SMYD3: variants seen among roughly 807,000 people sequenced by gnomAD.
The protein encoded by SMYD3 is histone-lysine N-methyltransferase SMYD3.
Under a neutral mutation model 57.7 loss-of-function variants are expected in SMYD3, and 36 were observed. That is an observed-to-expected ratio of 0.62 (90% CI 0.48 to 0.82). The LOEUF (loss-of-function observed/expected upper bound fraction) is 0.82, where lower values mean the gene tolerates loss of function less well. Ranked by LOEUF, SMYD3 falls within the 40% of genes least tolerant of loss-of-function variation. The pLI is 0.00. For synonymous variants in SMYD3, 211 were observed against 195.0 expected (o/e 1.08, Z -0.68); for missense variants, 515 against 538.8 (o/e 0.96, Z 0.44).
At chr1:246,207,053 C>G (rs1362113328) in intron 5 of SMYD3, among the ~76,000 whole-genome samples, 1 of 152,070 alleles carries the variant, frequency 6.6e-6, no homozygotes, top group Non-Finnish European at 1.5e-5. Context: ...AATTCTATGC[C>G]AAACGTATAA....
At position 246,485,615 on chromosome 1, in the gene SMYD3, C is replaced by G. The variant is rs191636578; in HGVS notation, c.164+21439G>C. On this transcript the variant is annotated intron_variant, in intron 1 of 11. Coordinates refer to ENST00000490107, the MANE Select transcript of SMYD3 (RefSeq NM_001167740.2). ...TGGGCAATACAGTGAGACCCCCCCC[C>G]ACATCTCTACAAAAAAAATTTTTTT... is the stretch of plus-strand genomic sequence containing the variant. Among the ~76,000 whole-genome samples the G allele has an allele frequency of 3.4e-3, 521 of 151,724 alleles. 5 individuals carry two copies. The highest frequency in any genetic ancestry group is 6.8e-3 in the Middle Eastern group (2 of 294).
intron 5 of SMYD3, among the ~76,000 whole-genome samples, chr1:246,022,897 A>T (rs1292783725): frequency 6.6e-6 from 1 of 152,154 alleles, no homozygotes; most frequent in East Asian, 1.9e-4. Flanking sequence ...TTAACTCTAG[A>T]TTTTCTTATC....
intron 5 of SMYD3, among the ~76,000 whole-genome samples, chr1:246,313,655 T>G (rs2065114612): frequency 6.6e-6 from 1 of 152,198 alleles, no homozygotes; most frequent in Non-Finnish European, 1.5e-5. Context: ...ATGCTTTTCT[T>G]TTACTTGACA....
chr1:246,173,116 C>T (rs1348845991), intron 5 of SMYD3, among the ~76,000 whole-genome samples: 1 of 150,848 alleles, frequency 6.6e-6, no homozygotes, highest in Non-Finnish European at 1.5e-5. Context: ...ACACTACACA[C>T]TTAGGCTACA....
At position 246,355,350 on chromosome 1, in the gene SMYD3, G is replaced by A. The variant is rs1478763057; in HGVS notation, c.165-256C>T. ...GAGGCAGGACCAGCTTGCAGCTCCC[G>A]ATCGGACAGACAGAGCAGCGTGTGG... On this transcript the variant is annotated intron_variant, in intron 1 of 11. Coordinates refer to ENST00000490107, the MANE Select transcript of SMYD3 (RefSeq NM_001167740.2). The surrounding 1 kb of genome is among the most constrained non-coding windows in gnomAD (Gnocchi z 5.0). 13 of 466,230 alleles carry A rather than the reference G, an allele frequency of 2.8e-5. No individual in the cohort carries two copies. The highest frequency in any genetic ancestry group is 1.9e-4 in the South Asian group (8 of 42,984). 28.9% of individuals were successfully genotyped at this position (466,230 alleles called of 1,614,324 possible). A position where few individuals can be genotyped will look rare whatever the true frequency, so the allele number is the denominator to read the frequency against.
intron 5 of SMYD3, among the ~76,000 whole-genome samples, chr1:246,063,785 G>A (rs1340723325): frequency 2.6e-5 from 4 of 151,904 alleles, no homozygotes; most frequent in East Asian, 3.9e-4. Context: ...GATTACAGGC[G>A]CATGCCACCA....
Position 245,865,012 on chromosome 1 carries a change from C to T in SMYD3, c.814-1126G>A, listed in dbSNP as rs1476541790. The stretch of plus-strand genomic sequence containing the variant: ...ATTCAGTAAGCAGGTCCTCTGCTTC[C>T]GGTTGGCCAGTGTACGTCTGGCATC... On this transcript the variant is annotated intron_variant, in intron 8 of 11. Coordinates refer to ENST00000490107, the MANE Select transcript of SMYD3 (RefSeq NM_001167740.2). Among the ~76,000 whole-genome samples the T allele has an allele frequency of 6.6e-5, 10 of 152,260 alleles. 3 individuals are homozygous for T. The highest frequency in any genetic ancestry group is 5.9e-4 in the Admixed American group (9 of 15,306).
At chr1:246,008,490 T>C (rs765862364) in intron 5 of SMYD3, among the ~76,000 whole-genome samples, 3 of 152,232 alleles carry the variant, frequency 2.0e-5, no homozygotes, top group Non-Finnish European at 4.4e-5. Context: ...TTAACATTTC[T>C]GTACTTAGAA....
intron 1 of SMYD3, among the ~76,000 whole-genome samples, chr1:246,496,642 A>G (rs2068369325): frequency 3.9e-5 from 6 of 152,124 alleles, no homozygotes; most frequent in Non-Finnish European, 8.8e-5. Context: ...AGGCTGGGCA[A>G]CATGGTGAAA....
At chr1:245,951,973 A>C (rs1306299317) in intron 5 of SMYD3, among the ~76,000 whole-genome samples, 2 of 152,236 alleles carry the variant, frequency 1.3e-5, no homozygotes, top group Non-Finnish European at 2.9e-5. Flanking sequence ...TGATGATTAC[A>C]GCAAACAACT....
intron 1 of SMYD3, among the ~76,000 whole-genome samples, chr1:246,408,779 C>T (rs1300501082): frequency 2.7e-5 from 4 of 150,352 alleles, no homozygotes; most frequent in Non-Finnish European, 5.9e-5. Context: ...ATGCAATTCT[C>T]CTGTCTCAGC....
intron 5 of SMYD3, among the ~76,000 whole-genome samples, chr1:246,206,267 G>GA (rs1294943370): frequency 1.3e-5 from 2 of 151,794 alleles, no homozygotes; most frequent in Non-Finnish European, 2.9e-5. Flanking sequence ...TCAAAATGGG[G>GA]AAGGAAGGAA....
chr1:246,209,396 A>C (rs983818273), intron 5 of SMYD3, among the ~76,000 whole-genome samples: 1 of 152,194 alleles, frequency 6.6e-6, no homozygotes, highest in Non-Finnish European at 1.5e-5. Flanking sequence ...AAGATCTTAA[A>C]CATGGTCTGC....
chr1:245,863,233 T>A (rs1047149507), intron 9 of SMYD3, among the ~76,000 whole-genome samples: 3 of 152,220 alleles, frequency 2.0e-5, no homozygotes, highest in Non-Finnish European at 4.4e-5. Context: ...TGACTCAGGC[T>A]ATCTTGCACA....
intron 1 of SMYD3, among the ~76,000 whole-genome samples, chr1:246,463,661 C>CAAAAAAA (rs35482116): frequency 0.031 from 2,273 of 72,290 alleles, no homozygotes; most frequent in African/African-American, 0.035. Flanking sequence ...ACTAAAAATA[C>CAAAAAAA]AAAAAAAAAA....
chr1:246,406,388 G>A (rs1348080787), intron 1 of SMYD3, among the ~76,000 whole-genome samples: 4 of 152,196 alleles, frequency 2.6e-5, no homozygotes, highest in Non-Finnish European at 5.9e-5. Flanking sequence ...AGAAAAGCAT[G>A]AGGCTGAATT....
At chr1:245,765,766 G>A (rs946519080) in intron 10 of SMYD3, among the ~76,000 whole-genome samples, 14 of 152,218 alleles carry the variant, frequency 9.2e-5, no homozygotes, top group African/African-American at 3.4e-4. Context: ...GGACGGAGGT[G>A]CCTGCCCACA....
At chr1:246,316,732 A>C (rs1202486218) in intron 5 of SMYD3, among the ~76,000 whole-genome samples, 11 of 147,620 alleles carry the variant, frequency 7.5e-5, no homozygotes, top group Admixed American at 7.4e-4. Flanking sequence ...ACGGTGGCTC[A>C]TGCCTGTAAT....
chr1:246,393,373 A>G (rs2148771911), intron 1 of SMYD3, among the ~76,000 whole-genome samples: 1 of 152,308 alleles, frequency 6.6e-6, no homozygotes, highest in Non-Finnish European at 1.5e-5. Flanking sequence ...GGATTCCTAC[A>G]TACATCACAA....
Sources: allele counts gnomAD v4.1 joint callset (sites outside exome capture counted in the v4.1 genomes callset), GRCh38; gene constraint gnomAD v4.1.1; non-coding constraint Gnocchi (gnomAD v3.1); transcripts MANE v1.5; gene names NCBI Gene and HGNC (gene_info 2026-07-23, HGNC 2026-07-21).